Variants in GALNT17 observed in about 807,000 individuals in gnomAD.
The protein encoded by GALNT17 is polypeptide N-acetylgalactosaminyltransferase 17.
GALNT17 carries 29 observed loss-of-function variants against 63.7 expected under a neutral mutation model. The ratio of observed to expected loss-of-function variants is 0.46; its 90% CI spans 0.34 to 0.62. The LOEUF is 0.62. Among genes scored for constraint, GALNT17 ranks in the 20% least tolerant of loss-of-function variants. GALNT17 has a pLI of 0.01. For missense variants in GALNT17, 603 were observed against 799.6 expected (o/e 0.75, Z 2.97); for synonymous variants, 305 against 318.3 (o/e 0.96, Z 0.45).
intron 5 of GALNT17, among the ~76,000 whole-genome samples, chr7:71,549,865 C>T (rs189174690): frequency 1.8e-3 from 280 of 151,888 alleles, no homozygotes; most frequent in South Asian, 3.5e-3. Context: ...AAAGTAGATT[C>T]TCTCCGTAAA....
At chr7:71,625,140 T>C (rs1298615385) in intron 6 of GALNT17, among the ~76,000 whole-genome samples, 1 of 151,184 alleles carries the variant, frequency 6.6e-6, no homozygotes, top group African/African-American at 2.4e-5. Context: ...GCCTTTGTTT[T>C]TATTTATTTA....
At chr7:71,711,863 T>G (rs1456722800) in intron 10 of GALNT17, among the ~76,000 whole-genome samples, 155 bp from the exon 11 acceptor site, 1 of 151,594 alleles carries the variant, frequency 6.6e-6, no homozygotes, top group Non-Finnish European at 1.5e-5. Context: ...CTGTCTTCTC[T>G]TTGCCTCTTT....
intron 6 of GALNT17, among the ~76,000 whole-genome samples, chr7:71,657,950 G>T (rs1387046720): frequency 6.6e-6 from 1 of 152,072 alleles, no homozygotes; most frequent in East Asian, 1.9e-4. Context: ...TGTCATCCAG[G>T]CTGGAGTGCG....
intron 1 of GALNT17, among the ~76,000 whole-genome samples, chr7:71,318,859 C>A (rs1791549374): frequency 6.6e-6 from 1 of 152,146 alleles, no homozygotes; most frequent in Non-Finnish European, 1.5e-5. Context: ...ACAATAAATT[C>A]AGTACGGAGT....
At chr7:71,488,183 A>C (rs1787944341) in intron 5 of GALNT17, among the ~76,000 whole-genome samples, 2 of 151,438 alleles carry the variant, frequency 1.3e-5, no homozygotes, top group Admixed American at 1.3e-4. Context: ...AAAAAAAAAA[A>C]AAAAAACAGC....
intron 1 of GALNT17, among the ~76,000 whole-genome samples, chr7:71,204,780 C>T (rs1031952046): frequency 6.6e-5 from 10 of 152,058 alleles, no homozygotes. Flanking sequence ...GAGTCTCACC[C>T]TGTCACCCAG....
At chr7:71,636,300 A>C (rs1035728862) in intron 6 of GALNT17, among the ~76,000 whole-genome samples, 1 of 152,188 alleles carries the variant, frequency 6.6e-6, no homozygotes, top group Non-Finnish European at 1.5e-5. Context: ...AGTGGGGGAC[A>C]CAGGGAGACT....
chr7:71,401,791 T>C (rs1460758456), intron 3 of GALNT17, among the ~76,000 whole-genome samples: 1 of 152,182 alleles, frequency 6.6e-6, no homozygotes, highest in Non-Finnish European at 1.5e-5. Flanking sequence ...AAAAACAAGC[T>C]CAGGGCTCCC....
intron 5 of GALNT17, among the ~76,000 whole-genome samples, chr7:71,434,639 T>G (rs1027678830): frequency 6.6e-6 from 1 of 152,188 alleles, no homozygotes; most frequent in Non-Finnish European, 1.5e-5. Flanking sequence ...GTGGGTTCTG[T>G]GTCCTTAGGC....
At chr7:71,580,418 T>C (rs1789618657) in intron 6 of GALNT17, among the ~76,000 whole-genome samples, 1 of 151,770 alleles carries the variant, frequency 6.6e-6, no homozygotes, top group Non-Finnish European at 1.5e-5. Flanking sequence ...GATAGATAGA[T>C]AGATAGATAG....
chr7:71,680,535 C>CCTCT lies in GALNT17; in HGVS notation c.1500+3232_1500+3233insTCTC, dbSNP rs1329147315. Among the ~76,000 whole-genome samples the CCTCT allele has an allele frequency of 3.5e-3, 9 of 2,562 alleles. 2 individuals are homozygous for CCTCT. The highest frequency in any genetic ancestry group is 6.8e-3 in the African/African-American group (7 of 1,022). 1.7% of individuals were successfully genotyped at this position (2,562 alleles called of 152,430 possible). ...CCCTCCCTCTCTCCCTTCCTCCCTC[C>CCTCT]CTCCCTTCCTCCCTCCCTCTCTCCC... On this transcript the variant is annotated intron_variant, in intron 9 of 10. Transcript: ENST00000333538.
intron 6 of GALNT17, among the ~76,000 whole-genome samples, chr7:71,643,521 A>T (rs78319222): frequency 0.022 from 3,325 of 152,292 alleles, 145 homozygotes; most frequent in African/African-American, 0.075. Flanking sequence ...AAAAGGGAAA[A>T]AGGGATGCAT....
At chr7:71,288,016 C>T (rs1790906058) in intron 1 of GALNT17, among the ~76,000 whole-genome samples, 1 of 144,950 alleles carries the variant, frequency 6.9e-6, no homozygotes, top group Non-Finnish European at 1.5e-5. Context: ...CACACCACTT[C>T]ACTCCAGACT....
chr7:71,300,267 T>C, intron 1 of GALNT17: 1 of 305,112 alleles, frequency 3.3e-6, no homozygotes. Context: ...GAATGTGTGC[T>C]TTCATGAAAG....
chr7:71,510,500 C>T (rs1427099696), intron 5 of GALNT17, among the ~76,000 whole-genome samples: 3 of 152,078 alleles, frequency 2.0e-5, no homozygotes, highest in Admixed American at 2.0e-4. Flanking sequence ...AATTTCCTGC[C>T]ACTTCCAACT....
At chr7:71,525,736 C>CTTTTTTT (rs71089950) in intron 5 of GALNT17, among the ~76,000 whole-genome samples, 24 of 75,040 alleles carry the variant, frequency 3.2e-4, no homozygotes, top group Non-Finnish European at 4.3e-4. Flanking sequence ...TATGTCTTTT[C>CTTTTTTT]TTTTTTTTTT....
intron 5 of GALNT17, among the ~76,000 whole-genome samples, chr7:71,485,115 T>A (rs942550663): frequency 2.1e-5 from 3 of 144,004 alleles, no homozygotes; most frequent in Non-Finnish European, 4.5e-5. Context: ...AGCCAGGATT[T>A]TTTTTTTTAA....
intron 9 of GALNT17, among the ~76,000 whole-genome samples, chr7:71,691,878 TC>T (rs1410956401): frequency 4.0e-4 from 8 of 19,788 alleles, no homozygotes; most frequent in Non-Finnish European, 5.8e-4. Flanking sequence ...TTCCTTTCTT[TC>T]CTTCCTTTCT....
chr7:71,261,234 T>A (rs906325095), intron 1 of GALNT17, among the ~76,000 whole-genome samples: 3 of 152,180 alleles, frequency 2.0e-5, no homozygotes, highest in African/African-American at 7.2e-5. Context: ...GGATTCTGCC[T>A]GGCAGGACTC....
Sources: allele counts gnomAD v4.1 joint callset (sites outside exome capture counted in the v4.1 genomes callset), GRCh38; gene constraint gnomAD v4.1.1; transcripts MANE v1.5; gene names NCBI Gene and HGNC (gene_info 2026-07-23, HGNC 2026-07-21).